The following APOOL variants were observed in gnomAD, a reference collection of about 807,000 sequenced individuals.
APOOL encodes apolipoprotein O like.
A neutral mutation model predicts 23.1 loss-of-function variants in APOOL; 12 were observed. The ratio of observed to expected loss-of-function variants is 0.52; its 90% CI spans 0.33 to 0.84. APOOL has a LOEUF of 0.84. Ranked by LOEUF, APOOL falls within the 40% of genes least tolerant of loss-of-function variation. The probability of loss-of-function intolerance (pLI) is 0.02; values close to 1 mark genes in which losing one functional copy is unlikely to be tolerated. For missense variants in APOOL, 212 were observed against 199.6 expected (o/e 1.06, Z -0.37); for synonymous variants, 77 against 69.9 (o/e 1.10, Z -0.51).
At chrX:85,060,402 C>T (rs1356241685) in intron 5 of APOOL, among the ~76,000 whole-genome samples, 2 of 107,052 alleles carry the variant, frequency 1.9e-5, no homozygotes, top group Non-Finnish European at 3.8e-5. Flanking sequence ...TAGTTTTTTT[C>T]CAATTCTGTG....
At chrX:85,071,980 C>T (rs941194853) in intron 6 of APOOL, among the ~76,000 whole-genome samples, 1 of 111,162 alleles carries the variant, frequency 9.0e-6, no homozygotes, top group African/African-American at 3.3e-5. Flanking sequence ...TGGTGGCGTG[C>T]GCCTGTAGTC....
At chrX:85,012,924 A>G (rs1212778189) in intron 1 of APOOL, among the ~76,000 whole-genome samples, 3 of 111,707 alleles carry the variant, frequency 2.7e-5, no homozygotes, top group Admixed American at 1.9e-4. Context: ...ATTGGTACCA[A>G]TTCTTCTTTG....
intron 2 of APOOL, 50 bp from the exon 3 acceptor site, chrX:85,051,339 G>T (rs1429560460): frequency 1.8e-5 from 22 of 1,197,300 alleles, no homozygotes; most frequent in Non-Finnish European, 2.5e-5. Flanking sequence ...CCGCTGTTAT[G>T]GACAGTCCAG....
intron 5 of APOOL, among the ~76,000 whole-genome samples, chrX:85,058,939 C>A (rs1923078440): frequency 1.8e-5 from 2 of 109,437 alleles, no homozygotes; most frequent in Admixed American, 2.0e-4. Context: ...AGGTTTGTTA[C>A]ATATGTATAC....
At chrX:85,082,467 G>T (rs1337778606) in intron 8 of APOOL, among the ~76,000 whole-genome samples, 1 of 110,900 alleles carries the variant, frequency 9.0e-6, no homozygotes, top group Admixed American at 9.7e-5. Context: ...ATTGCTGCCT[G>T]ATCCTTCTTC....
chrX:85,079,254 A>T (rs1218123110), intron 8 of APOOL, among the ~76,000 whole-genome samples: 1 of 111,749 alleles, frequency 8.9e-6, no homozygotes, highest in Non-Finnish European at 1.9e-5. Context: ...TATTATATTT[A>T]GATATGTTCC....
At chrX:85,079,494 G>A (rs749176835) in intron 8 of APOOL, among the ~76,000 whole-genome samples, 2 of 111,670 alleles carry the variant, frequency 1.8e-5, no homozygotes, top group African/African-American at 6.5e-5. Context: ...CGGTTTGCCA[G>A]TATTTTATTG....
chrX:85,065,401 T>C (rs903986356), intron 5 of APOOL, among the ~76,000 whole-genome samples: 1 of 111,819 alleles, frequency 8.9e-6, no homozygotes, highest in Admixed American at 9.6e-5. Context: ...TTGTTATGTG[T>C]GAATTTGATC....
chrX:85,078,010 T>C (rs1923927440), intron 8 of APOOL, among the ~76,000 whole-genome samples: 1 of 111,803 alleles, frequency 8.9e-6, no homozygotes, highest in South Asian at 3.7e-4. Flanking sequence ...GATGGGTAGA[T>C]TGCAAAAATT....
At chrX:85,083,388 A>G (rs1447166498) in intron 8 of APOOL, among the ~76,000 whole-genome samples, 3 of 111,618 alleles carry the variant, frequency 2.7e-5, no homozygotes, top group Non-Finnish European at 5.6e-5. Context: ...AAGATGGAGA[A>G]TGTCACAGGG....
chrX:85,076,995 T>TTATATATATATATATATATATATATA (rs752255967), intron 8 of APOOL, among the ~76,000 whole-genome samples: 42 of 82,450 alleles, frequency 5.1e-4, no homozygotes, highest in African/African-American at 1.6e-3. Flanking sequence ...TTTGCTAAAC[T>TTATATATATATATATATATATATATA]TATATATATA....
intron 1 of APOOL, among the ~76,000 whole-genome samples, chrX:85,017,056 A>G (rs1921501000): frequency 8.9e-6 from 1 of 112,081 alleles, no homozygotes; most frequent in South Asian, 3.7e-4. Flanking sequence ...GCAGGGCCAT[A>G]AAGCTCCCAA....
Position 85,092,624 on chromosome X carries a change from A to G in APOOL, c.*4946A>G, listed in dbSNP as rs1006412032. On this transcript the variant is annotated 3_prime_UTR_variant, in exon 9 of 9. Transcript: ENST00000373173. Reference sequence around the variant, plus strand: ...GAAAGTATAATCTTCGTTAACACATATATTTTATTGAAGGTCTACTCTATG... The same window carrying G: ...GAAAGTATAATCTTCGTTAACACATGTATTTTATTGAAGGTCTACTCTATG... 4 of 1,021,706 alleles carry G rather than the reference A, an allele frequency of 3.9e-6. No individual in the cohort carries two copies. Among genetic ancestry groups the G allele is most frequent in the Admixed American group, 2.5e-5 (1 of 39,966 alleles). 84.2% of individuals were successfully genotyped at this position (1,021,706 alleles called of 1,213,427 possible). A position where few individuals can be genotyped will look rare whatever the true frequency, so the allele number is the denominator to read the frequency against.
intron 8 of APOOL, among the ~76,000 whole-genome samples, chrX:85,079,022 C>T (rs941499171): frequency 3.6e-5 from 4 of 111,712 alleles, no homozygotes; most frequent in Non-Finnish European, 7.5e-5. Flanking sequence ...AATATACAAT[C>T]ATGTCATCTG....
intron 5 of APOOL, among the ~76,000 whole-genome samples, chrX:85,060,061 G>A (rs1183868658): frequency 1.8e-5 from 2 of 111,008 alleles, no homozygotes; most frequent in East Asian, 5.6e-4. Flanking sequence ...TGTATAAGGT[G>A]TAAGAAAGGG....
intron 1 of APOOL, among the ~76,000 whole-genome samples, chrX:85,044,717 A>C (rs955931751): frequency 1.8e-5 from 2 of 111,765 alleles, no homozygotes. Flanking sequence ...TACTTAGGCA[A>C]TTTTCAAGGT....
intron 3 of APOOL, among the ~76,000 whole-genome samples, chrX:85,052,265 AC>A (rs1361826349): frequency 2.7e-5 from 3 of 112,110 alleles, no homozygotes; most frequent in Non-Finnish European, 5.6e-5. Context: ...AGCTCATAAG[AC>A]CATTCTAACT....
At position 85,073,986 on chromosome X, in the gene APOOL, T is replaced by G; in HGVS notation, c.487-12T>G. The stretch of plus-strand genomic sequence containing the variant: ...AAAATATGTTATTTGACTTACTTTT[T>G]GTTTTAATTAGGTAACAGCAAAAAA... On this transcript the variant is annotated splice_polypyrimidine_tract_variant and intron_variant, in intron 6 of 8. Coordinates refer to ENST00000373173, the MANE Select transcript of APOOL (RefSeq NM_198450.6). 1 of 1,091,089 alleles carries G rather than the reference T, an allele frequency of 9.2e-7. No individual in the cohort carries two copies. Among genetic ancestry groups the G allele is most frequent in the Non-Finnish European group, 1.2e-6 (1 of 822,280 alleles). 89.9% of individuals were successfully genotyped at this position (1,091,089 alleles called of 1,213,427 possible).
intron 5 of APOOL, among the ~76,000 whole-genome samples, chrX:85,060,186 G>A (rs1923153049): frequency 9.5e-6 from 1 of 105,708 alleles, no homozygotes; most frequent in South Asian, 4.4e-4. Context: ...TCAGATAGTT[G>A]TAGATATGTG....
Sources: gnomAD v4.1 joint callset for allele counts (sites outside exome capture counted in the v4.1 genomes callset) on GRCh38, gnomAD v4.1.1 for gene constraint, MANE v1.5 for transcripts, NCBI Gene and HGNC (gene_info 2026-07-23, HGNC 2026-07-21) for gene names.